Variants in TUSC3 observed in about 807,000 individuals in gnomAD.
TUSC3 encodes tumor suppressor candidate 3, also known as dolichyl-diphosphooligosaccharide--protein glycosyltransferase subunit TUSC3.
In TUSC3, 45 loss-of-function variants were observed where a neutral mutation model predicts 44.8. That is an observed-to-expected ratio of 1.00 (90% CI 0.79 to 1.29). TUSC3 has a LOEUF of 1.29. TUSC3 is among the 50% of genes most tolerant of loss of function. The probability of loss-of-function intolerance (pLI) is 0.00; values close to 1 mark genes in which losing one functional copy is unlikely to be tolerated. For synonymous variants in TUSC3, 212 were observed against 152.9 expected (o/e 1.39, Z -2.85); for missense variants, 519 against 437.9 (o/e 1.19, Z -1.65).
upstream of TUSC3, among the ~76,000 whole-genome samples, chr8:15,535,586 A>C (rs891815188): frequency 1.4e-5 from 2 of 144,352 alleles, no homozygotes; most frequent in Non-Finnish European, 3.1e-5. Context: ...CAGGGGGATG[A>C]CTTTGAGTCA....
chr8:15,458,728 AT>A (rs1563256510), intron 1 of TUSC3, among the ~76,000 whole-genome samples: 1 of 152,210 alleles, frequency 6.6e-6, no homozygotes, highest in Non-Finnish European at 1.5e-5. Context: ...CTAATTTTTC[AT>A]AGAGTTCAGA....
At chr8:15,781,242 C>T in the TUSC3 span, among the ~76,000 whole-genome samples, 4 of 152,196 alleles carry the variant, frequency 2.6e-5, no homozygotes, top group African/African-American at 9.7e-5. Flanking sequence ...ATAAATCACT[C>T]ACTCTCGGCT....
chr8:15,707,072 C>G (rs937957749), intron 6 of TUSC3, among the ~76,000 whole-genome samples: 6 of 151,884 alleles, frequency 4.0e-5, no homozygotes, highest in African/African-American at 1.2e-4. Context: ...TACTATGTCT[C>G]AAAGCTTTAT....
intron 1 of TUSC3, among the ~76,000 whole-genome samples, chr8:15,560,355 G>A (rs1802413061): frequency 1.5e-5 from 2 of 137,682 alleles, no homozygotes; most frequent in South Asian, 2.5e-4. Flanking sequence ...GGCTTGTAGG[G>A]TTTCTGCTGA....
At chr8:15,505,349 A>C (rs76934792) in intron 2 of TUSC3, among the ~76,000 whole-genome samples, 1 of 152,326 alleles carries the variant, frequency 6.6e-6, no homozygotes, top group South Asian at 2.1e-4. Context: ...ATGTGTTATA[A>C]TGGCATTGTG....
intron 2 of TUSC3, among the ~76,000 whole-genome samples, chr8:15,516,126 GACTTTCATGGTTGAGTCA>G (rs745987171): frequency 6.6e-6 from 1 of 152,164 alleles, no homozygotes; most frequent in Non-Finnish European, 1.5e-5. Context: ...CATTGTTAAT[GACTTTCATGGTTGAGTCA>G]ACTGAATTTG....
intron 2 of TUSC3, among the ~76,000 whole-genome samples, chr8:15,505,051 G>C (rs1343911780): frequency 6.6e-6 from 1 of 152,022 alleles, no homozygotes; most frequent in Non-Finnish European, 1.5e-5. Flanking sequence ...AAATATTGCT[G>C]CCAAATGGCA....
chr8:15,778,213 T>A, the TUSC3 span, among the ~76,000 whole-genome samples: 1 of 152,288 alleles, frequency 6.6e-6, no homozygotes. Flanking sequence ...CCACCTGATT[T>A]CCATAAAGAC....
intron 7 of TUSC3, among the ~76,000 whole-genome samples, chr8:15,734,809 G>C (rs2129209960): frequency 6.6e-6 from 1 of 152,182 alleles, no homozygotes; most frequent in South Asian, 2.1e-4. Flanking sequence ...AGATACAACA[G>C]GTACACAATC....
At chr8:15,543,906 G>A (rs1157583106) in intron 1 of TUSC3, among the ~76,000 whole-genome samples, 4 of 113,442 alleles carry the variant, frequency 3.5e-5, no homozygotes, top group Admixed American at 2.0e-4. Flanking sequence ...GATATCCCAT[G>A]GATTTGTGTG....
At chr8:15,630,594 T>G (rs1805715347) in intron 2 of TUSC3, among the ~76,000 whole-genome samples, 1 of 152,200 alleles carries the variant, frequency 6.6e-6, no homozygotes, top group African/African-American at 2.4e-5. Context: ...GGTTGCGATT[T>G]GTGACTCCAG....
chr8:15,523,150 T>C (rs1801320478), intron 2 of TUSC3, among the ~76,000 whole-genome samples: 1 of 152,144 alleles, frequency 6.6e-6, no homozygotes, highest in Non-Finnish European at 1.5e-5. Flanking sequence ...CCATTTGTTC[T>C]CCTCTCCTAA....
At position 15,642,245 on chromosome 8, in the gene TUSC3, G is replaced by T. The variant is rs900232412; in HGVS notation, c.309-8452G>T. 2.6e-5 allele frequency among the ~76,000 whole-genome samples: 4 copies of T among 152,150 alleles called. No homozygotes were observed. The East Asian group carries it at 7.7e-4, about 29-fold the overall frequency. On this transcript the variant is annotated intron_variant, in intron 2 of 10. Transcript: ENST00000503731. The stretch of plus-strand genomic sequence containing the variant: ...ATACAATATATAATGCATATACTCA[G>T]ATAGTTAACTGGTTAATCAGTAGTT...
At chr8:15,629,020 T>A (rs566740378) in intron 2 of TUSC3, among the ~76,000 whole-genome samples, 1 of 152,320 alleles carries the variant, frequency 6.6e-6, no homozygotes, top group African/African-American at 2.4e-5. Flanking sequence ...GAACAGGTTT[T>A]GTGTAGAAGT....
chr8:15,591,965 CA>C (rs1196165166), intron 1 of TUSC3, among the ~76,000 whole-genome samples: 2 of 152,078 alleles, frequency 1.3e-5, no homozygotes, highest in Admixed American at 1.3e-4. Flanking sequence ...TGGGAGAAAA[CA>C]AGTGGAAATG....
At chr8:15,520,980 A>G (rs931968386) in intron 2 of TUSC3, among the ~76,000 whole-genome samples, 1 of 152,198 alleles carries the variant, frequency 6.6e-6, no homozygotes, top group Non-Finnish European at 1.5e-5. Flanking sequence ...TGTTACAAGA[A>G]AAGCTTGGGA....
At chr8:15,484,288 C>T (rs532384474) in intron 2 of TUSC3, among the ~76,000 whole-genome samples, 1 of 152,230 alleles carries the variant, frequency 6.6e-6, no homozygotes, top group Non-Finnish European at 1.5e-5. Context: ...TGCTCTAGCA[C>T]AATTTCCCAG....
intron 1 of TUSC3, among the ~76,000 whole-genome samples, chr8:15,480,634 T>A (rs1478785855): frequency 4.6e-5 from 7 of 152,176 alleles, no homozygotes; most frequent in Admixed American, 4.6e-4. Flanking sequence ...GAGGCTTCCC[T>A]CCTTGGCTTG....
At chr8:15,702,613 T>G (rs893699443) in intron 6 of TUSC3, among the ~76,000 whole-genome samples, 2 of 152,168 alleles carry the variant, frequency 1.3e-5, no homozygotes, top group African/African-American at 4.8e-5. Flanking sequence ...CCTATCCTGG[T>G]TTCTGTTCTC....
Sources: allele counts gnomAD v4.1 joint callset (sites outside exome capture counted in the v4.1 genomes callset), GRCh38; gene constraint gnomAD v4.1.1; transcripts MANE v1.5; gene names NCBI Gene and HGNC (gene_info 2026-07-23, HGNC 2026-07-21).